The following C4orf54 variants were observed in gnomAD, a reference collection of about 807,000 sequenced individuals.
The protein encoded by C4orf54 is uncharacterized protein C4orf54.
A neutral mutation model predicts 80.1 loss-of-function variants in C4orf54; 67 were observed. The ratio of observed to expected loss-of-function variants is 0.84; its 90% CI spans 0.69 to 1.03. The LOEUF (loss-of-function observed/expected upper bound fraction) is 1.03, where lower values mean the gene tolerates loss of function less well. C4orf54 is among the 50% of genes least tolerant of loss of function. C4orf54 has a pLI of 0.00. For missense variants in C4orf54, 2,434 were observed against 2,253.5 expected, an observed-to-expected ratio of 1.08 and a Z score of -1.62; for synonymous variants, 1,000 against 917.0, an observed-to-expected ratio of 1.09 and a Z score of -1.64.
intron 1 of C4orf54, among the ~76,000 whole-genome samples, chr4:99,656,461 G>A (rs1051138400): frequency 1.3e-5 from 2 of 152,144 alleles, no homozygotes; most frequent in Middle Eastern, 3.4e-3. Context: ...TGTGTTTTTA[G>A]TAGAGATGGG....
chr4:99,656,879 C>T (rs1487491674), intron 1 of C4orf54, among the ~76,000 whole-genome samples: 9 of 152,220 alleles, frequency 5.9e-5, no homozygotes, highest in Non-Finnish European at 1.3e-4. Flanking sequence ...AAATACTCTG[C>T]AGGGCACCCG....
Position 99,652,450 on chromosome 4 carries a change from C to CAGA in C4orf54, c.2198_2199insTCT (p.Thr733_Pro734insLeu). 6.5e-7 allele frequency: 1 copy of CAGA among 1,535,980 alleles called. No homozygotes were observed. The highest frequency in any genetic ancestry group is 8.7e-7 in the Non-Finnish European group (1 of 1,146,850). Reference sequence around the variant, plus strand: ...GGACCTGCTTCTGGAAACACAGGGGCGTCTCCACATGTTTGATTTCCCCCT... The same window carrying CAGA: ...GGACCTGCTTCTGGAAACACAGGGGCAGAGTCTCCACATGTTTGATTTCCCCCT... On this transcript the variant is annotated inframe_insertion, in exon 2 of 3. Transcript: ENST00000511828.
chr4:99,653,783 G>C lies in C4orf54; in HGVS notation c.866C>G (p.Ser289Cys). ...GGCCAGAGCCCCTGTGGATGTGGTGGAGTCCTCCATTTTGGAAAGGCCATC... is the reference window on the plus strand; with the variant it reads ...GGCCAGAGCCCCTGTGGATGTGGTGCAGTCCTCCATTTTGGAAAGGCCATC... ...EEDGLSKMED[S>C]TTSTGALATS... Residue 289 changes from serine to cysteine, a missense_variant, in exon 2 of 3, where the codon TCC (serine) becomes TGC (cysteine). Ser to Cys is a moderately radical substitution (Grantham distance 112). Transcript: ENST00000511828. 5.2e-6 allele frequency: 8 copies of C among 1,536,140 alleles called. No individual in the cohort carries two copies. Among genetic ancestry groups the C allele is most frequent in the Non-Finnish European group, 7.0e-6 (8 of 1,146,914 alleles).
At chr4:99,647,575 A>G (rs1726721738) in intron 2 of C4orf54, among the ~76,000 whole-genome samples, 1 of 152,092 alleles carries the variant, frequency 6.6e-6, no homozygotes, top group African/African-American at 2.4e-5. Context: ...AGACTATCCC[A>G]GAAGAAGAAT....
chr4:99,643,778 ACACACACACACACACC>A (rs1345740311), intron 2 of C4orf54, among the ~76,000 whole-genome samples: 1 of 142,788 alleles, frequency 7.0e-6, no homozygotes, highest in African/African-American at 2.6e-5. Flanking sequence ...ACACACACAC[ACACACACACACACACC>A]CCCTCCGCGG....
rs17600994 is a variant in C4orf54 at position 99,652,026 on chromosome 4, C to A, written c.2623G>T (p.Glu875Ter). 5 of 1,536,010 alleles carry A rather than the reference C, an allele frequency of 3.3e-6. No individual in the cohort carries two copies. Among genetic ancestry groups the A allele is most frequent in the Non-Finnish European group, 4.4e-6 (5 of 1,146,904 alleles). The change falls in exon 2 of 3, where the codon GAG becomes TAG. Residue 875 changes from glutamate to a stop codon, truncating the protein, a stop_gained. Coordinates refer to ENST00000511828, the MANE Select transcript of C4orf54 (RefSeq NM_001354435.2). LOFTEE classifies it high-confidence loss of function. Reference sequence around the variant, plus strand: ...TCGGACATGCTGACCACTGTGTACTCGGAGCCGGCCTCGGAGTGACGAGAG... The same window carrying A: ...TCGGACATGCTGACCACTGTGTACTAGGAGCCGGCCTCGGAGTGACGAGAG... ...QSSRHSEAGS[E>*]YTVVSMSDAG...
rs535272866 is a variant in C4orf54 at position 99,653,321 on chromosome 4, C to A, written c.1328G>T (p.Arg443Leu). The A allele has an allele frequency of 4.6e-6, 7 of 1,533,126 alleles. No homozygotes were observed. The African/African-American group carries it at 8.2e-5, about 18-fold the overall frequency. The allele number at this position is 1,533,126 out of a possible 1,614,324, so 95.0% of individuals were successfully genotyped here. A position where few individuals can be genotyped will look rare whatever the true frequency, so the allele number is the denominator to read the frequency against. Residue 443 changes from arginine (R) to leucine (L), a missense_variant, in exon 2 of 3, where the codon CGG becomes CTG. Physicochemically the swap from Arg to Leu is moderately radical, Grantham distance 102 (BLOSUM62 -2). Transcript: ENST00000511828. ...GTCGCTGCTTGTAGGGCTGGGCGTC[C>A]GGGTGGTGTTGGTGCTGGGAGTGGT... ...LSTTPSTNTT[R>L]TPSPTSSDLA...
At chr4:99,642,235 G>T in intron 2 of C4orf54, among the ~76,000 whole-genome samples, 1 of 152,228 alleles carries the variant, frequency 6.6e-6, no homozygotes, top group East Asian at 1.9e-4. Flanking sequence ...GCAGCAATAC[G>T]AAAAGAAAAT....
rs545673586 is a variant in C4orf54 at position 99,638,053 on chromosome 4, G to A, written c.*3180C>T. The A allele has an allele frequency of 6.6e-6, 1 of 152,184 alleles. No individual in the cohort carries two copies. The highest frequency in any genetic ancestry group is 2.4e-5 in the African/African-American group (1 of 41,538). 9.4% of individuals were successfully genotyped at this position (152,184 alleles called of 1,614,324 possible). On this transcript the variant is annotated 3_prime_UTR_variant, in exon 3 of 3. Transcript: ENST00000511828. Reference sequence around the variant, plus strand: ...AAACAATTAAAATCTATCTTTTTAAGAGGCAAGGATGATAATGTCAAATTT... The same window carrying A: ...AAACAATTAAAATCTATCTTTTTAAAAGGCAAGGATGATAATGTCAAATTT...
At position 99,636,612 on chromosome 4, in the gene C4orf54, C is replaced by T. The variant is rs1349329823; in HGVS notation, c.*4621G>A. The T allele has an allele frequency of 1.3e-5, 2 of 151,848 alleles. No homozygotes were observed. The highest frequency in any genetic ancestry group is 4.8e-5 in the African/African-American group (2 of 41,328). 9.4% of individuals were successfully genotyped at this position (151,848 alleles called of 1,614,324 possible). ...ACAGTCAAAATAAAAGACCATTACA[C>T]AAGATTGCACAATCATTTACAAATG... On this transcript the variant is annotated 3_prime_UTR_variant, in exon 3 of 3. Transcript: ENST00000511828.
chr4:99,638,682 C>A lies in C4orf54; in HGVS notation c.*2551G>T, dbSNP rs1210763625. On this transcript the variant is annotated 3_prime_UTR_variant, in exon 3 of 3. Transcript: ENST00000511828. ...AAAAGGAAGGGTATATCACTTCATT[C>A]AAATATTCATGCAACCTCAAGAAAT... The A allele has an allele frequency of 1.3e-5, 2 of 152,030 alleles. No homozygotes were observed. Among genetic ancestry groups the A allele is most frequent in the Non-Finnish European group, 2.9e-5 (2 of 67,962 alleles). 9.4% of individuals were successfully genotyped at this position (152,030 alleles called of 1,614,324 possible).
Position 99,650,639 on chromosome 4 carries a change from A to T in C4orf54, c.4010T>A (p.Ile1337Lys). The change falls in exon 2 of 3, where the codon ATA becomes AAA. Residue 1337 changes from isoleucine to lysine, a missense_variant. Coordinates refer to ENST00000511828, the MANE Select transcript of C4orf54 (RefSeq NM_001354435.2). Reference protein sequence around the residue: ...KAGVVLRGAPIERLQRRNSNP... With the variant: ...KAGVVLRGAPKERLQRRNSNP... ...GGAGTTTCTCCGCTGCAGACGTTCT[A>T]TGGGGGCCCCTCGCAGGACCACACC... 6.5e-7 allele frequency: 1 copy of T among 1,535,930 alleles called. No homozygotes were observed. Among genetic ancestry groups the T allele is most frequent in the South Asian group, 1.2e-5 (1 of 84,044 alleles).
intron 2 of C4orf54, among the ~76,000 whole-genome samples, chr4:99,648,052 C>CTTTT (rs56172764): frequency 0.012 from 1,712 of 141,670 alleles, 30 homozygotes; most frequent in African/African-American, 0.041. Context: ...CTTTTTTTTT[C>CTTTT]TTTTTTTTTT....
chr4:99,643,875 C>G (rs966734160), intron 2 of C4orf54, among the ~76,000 whole-genome samples: 1 of 151,606 alleles, frequency 6.6e-6, no homozygotes, highest in Non-Finnish European at 1.5e-5. Flanking sequence ...AGCAGGGCAG[C>G]CAGTCAATTC....
At chr4:99,644,549 T>C (rs900560441) in intron 2 of C4orf54, among the ~76,000 whole-genome samples, 1 of 152,092 alleles carries the variant, frequency 6.6e-6, no homozygotes, top group African/African-American at 2.4e-5. Flanking sequence ...AAGGTAACTA[T>C]GGAATGAAGT....
At position 99,650,421 on chromosome 4, in the gene C4orf54, C is replaced by T. The variant is rs938187534; in HGVS notation, c.4228G>A (p.Gly1410Ser). 2.0e-6 allele frequency: 3 copies of T among 1,535,940 alleles called. No homozygotes were observed. The African/African-American group carries it at 4.1e-5, about 21-fold the overall frequency. ...VSASSIQKTG[G>S]VAGKFPQGPS... ...CCTTGTGGGAACTTGCCAGCGACAC[C>T]CCCAGTTTTCTGGATGCTGCTGGCA... Residue 1410 changes from glycine (G) to serine (S), a missense_variant, in exon 2 of 3, where the codon GGT (glycine) becomes AGT (serine). By Grantham distance (56) the Gly-to-Ser change is moderately conservative. Coordinates refer to ENST00000511828, the MANE Select transcript of C4orf54 (RefSeq NM_001354435.2).
At chr4:99,646,100 T>A (rs1297572939) in intron 2 of C4orf54, among the ~76,000 whole-genome samples, 3 of 152,052 alleles carry the variant, frequency 2.0e-5, no homozygotes, top group Non-Finnish European at 4.4e-5. Context: ...TATGTCCAAA[T>A]ATATACGGGA....
chr4:99,653,582 C>T lies in C4orf54; in HGVS notation c.1067G>A (p.Ser356Asn), dbSNP rs1421560898. The change falls in exon 2 of 3, where the codon AGC (serine) becomes AAC (asparagine). Residue 356 changes from serine to asparagine, a missense_variant. Ser to Asn is a conservative substitution (Grantham distance 46). Transcript: ENST00000511828. ...CRDIIAKSQG[S>N]RDPPKVEEAH... ...CTCTTCGACTTTGGGGGGGTCCCTG[C>T]TGCCCTGGGACTTGGCAATAATGTC... is the stretch of plus-strand genomic sequence containing the variant. The T allele has an allele frequency of 2.0e-6, 3 of 1,536,062 alleles. No homozygotes were observed. Among genetic ancestry groups the T allele is most frequent in the Admixed American group, 3.9e-5 (2 of 51,006 alleles).
Position 99,649,906 on chromosome 4 carries a change from TG to T in C4orf54, c.4742del (p.Pro1581HisfsTer36). ...CAGGTGCTGGGGCAGGCATGCTGGG[TG>T]GGGAGAAGCAGAGGACCTGAGGCTG... ...GAQPQVLCFS[P>X]PSMPAPAPAA... On this transcript the variant is annotated frameshift_variant, in exon 2 of 3. Transcript: ENST00000511828. LOFTEE classifies it low-confidence loss of function (END_TRUNC). The T allele has an allele frequency of 6.6e-7, 1 of 1,526,192 alleles. No homozygotes were observed. 94.5% of individuals were successfully genotyped at this position (1,526,192 alleles called of 1,614,324 possible). A position where few individuals can be genotyped will look rare whatever the true frequency, so the allele number is the denominator to read the frequency against.
Sources: gnomAD v4.1 joint callset for allele counts (sites outside exome capture counted in the v4.1 genomes callset) on GRCh38, gnomAD v4.1.1 for gene constraint, MANE v1.5 for transcripts, NCBI Gene and HGNC (gene_info 2026-07-23, HGNC 2026-07-21) for gene names.